TRPM2: variants seen among roughly 807,000 people sequenced by gnomAD.
TRPM2 encodes the protein transient receptor potential cation channel subfamily M member 2, also known as estrogen-responsive element-associated gene 1 protein.
TRPM2 carries 161 observed loss-of-function variants against 174.0 expected under a neutral mutation model. The observed-to-expected ratio is 0.93, with a 90% CI of 0.81 to 1.05. The LOEUF (loss-of-function observed/expected upper bound fraction) is 1.05, where lower values mean the gene tolerates loss of function less well. Ranked by LOEUF, TRPM2 falls within the 50% of genes least tolerant of loss-of-function variation. The pLI is 0.00. For synonymous variants in TRPM2, 954 were observed against 861.3 expected (o/e 1.11, Z -1.88); for missense variants, 2,057 against 2,038.0 (o/e 1.01, Z -0.18).
chr21:44,366,253 G>A lies in TRPM2; in HGVS notation c.424-501G>A, dbSNP rs2048357889. On this transcript the variant is annotated intron_variant, in intron 3 of 31. Coordinates refer to ENST00000397928, the MANE Select transcript of TRPM2 (RefSeq NM_003307.4). This position sits in a 1 kb window ranked among gnomAD's most constrained non-coding sequence, Gnocchi z 6.0. ...CAGGGGCCACAGAGCAGAGGGGATA[G>A]GGCAGAGGGGACAGGAGAGGGGACA... Among the ~76,000 whole-genome samples the A allele has an allele frequency of 6.6e-6, 1 of 150,994 alleles. No homozygotes were observed. The highest frequency in any genetic ancestry group is 2.5e-5 in the African/African-American group (1 of 40,658).
At chr21:44,371,811 A>G (rs2048549772) in intron 5 of TRPM2, among the ~76,000 whole-genome samples, 2 of 151,970 alleles carry the variant, frequency 1.3e-5, no homozygotes, top group South Asian at 4.2e-4. Flanking sequence ...ATTTCTGTCC[A>G]CTCCACAGGC....
At chr21:44,372,941 G>C (rs892957717) in intron 5 of TRPM2, among the ~76,000 whole-genome samples, 1 of 152,060 alleles carries the variant, frequency 6.6e-6, no homozygotes. Context: ...ATTTTATCCC[G>C]TCTCTGTCCC....
intron 8 of TRPM2, among the ~76,000 whole-genome samples, chr21:44,382,411 G>A (rs1022518629): frequency 1.3e-5 from 2 of 152,186 alleles, no homozygotes; most frequent in African/African-American, 4.8e-5. Context: ...GGTGAGGAGT[G>A]GCCTGGGCTT....
intron 23 of TRPM2, among the ~76,000 whole-genome samples, chr21:44,424,337 G>T (rs531481753): frequency 6.6e-6 from 1 of 152,202 alleles, no homozygotes; most frequent in Non-Finnish European, 1.5e-5. Flanking sequence ...TGCCCAGGCC[G>T]CCCTCTACCC....
chr21:44,359,053 C>T (rs11700598), intron 2 of TRPM2, among the ~76,000 whole-genome samples: 3 of 136,366 alleles, frequency 2.2e-5, no homozygotes, highest in Admixed American at 1.5e-4. Flanking sequence ...TTTTACAGAG[C>T]GCTGATTGGT....
chr21:44,412,057 T>C lies in TRPM2; in HGVS notation c.2963-1834T>C, dbSNP rs45485595. On this transcript the variant is annotated intron_variant, in intron 19 of 31. Transcript: ENST00000397928. ...TGAAGGTTATTGGTCTGTGGTTTTC[T>C]TTTCTTGTAATATGTTTGCCTAGTT... 7.5e-3 allele frequency among the ~76,000 whole-genome samples: 1,135 copies of C among 152,330 alleles called. 11 individuals carry two copies. Among genetic ancestry groups the C allele is most frequent in the African/African-American group, 0.026 (1,092 of 41,576 alleles).
intron 1 of TRPM2, 118 bp downstream of exon 1, chr21:44,353,983 C>A: frequency 7.9e-7 from 1 of 1,258,582 alleles, no homozygotes; most frequent in Non-Finnish European, 1.1e-6. Flanking sequence ...ACCTTGGGGG[C>A]TCCTGCCCAA....
chr21:44,406,815 A>T (rs1382011182), intron 19 of TRPM2, 50 bp downstream of exon 19: 3 of 1,555,888 alleles, frequency 1.9e-6, no homozygotes, highest in Non-Finnish European at 1.7e-6. Flanking sequence ...GGGAAGCAGG[A>T]GAGAGGCTGG....
chr21:44,368,848 CCG>C (rs1249477110), intron 4 of TRPM2, among the ~76,000 whole-genome samples: 1 of 152,162 alleles, frequency 6.6e-6, no homozygotes, highest in Non-Finnish European at 1.5e-5. Flanking sequence ...AAGCACTCTG[CCG>C]CACCTGGGTC....
rs905987843 is a variant in TRPM2, at chr21:44,438,396, G to A, written c.4168-671G>A. On this transcript the variant is annotated intron_variant, in intron 29 of 31. Coordinates refer to ENST00000397928, the MANE Select transcript of TRPM2 (RefSeq NM_003307.4). This position sits in a 1 kb window ranked among gnomAD's most constrained non-coding sequence, Gnocchi z 5.9. ...GGTCACTGAGAGGGGCACTCTGAGG[G>A]GCCTCCTGGGTTCCTGGCTCTGTAG... Among the ~76,000 whole-genome samples, 1 of 152,224 alleles carries A rather than the reference G, an allele frequency of 6.6e-6. No homozygotes were observed. Among genetic ancestry groups the A allele is most frequent in the African/African-American group, 2.4e-5 (1 of 41,458 alleles).
rs746257107 is a variant in TRPM2, at chr21:44,400,291, C to T, written c.2241C>T (p.Leu747=). ...TGACCAAGGTGTGGTGGGGCCAGCT[C>T]TCCGTGGACAATGGGCTGTGGCGTG... ...AFLTKVWWGQ[L]SVDNGLWRVT... Residue 747 remains leucine (L), a synonymous_variant, in exon 15 of 32, where the codon CTC becomes CTT. Coordinates refer to ENST00000397928, the MANE Select transcript of TRPM2 (RefSeq NM_003307.4). 1.2e-6 allele frequency: 2 copies of T among 1,612,962 alleles called. No individual in the cohort carries two copies. The highest frequency in any genetic ancestry group is 1.7e-6 in the Non-Finnish European group (2 of 1,179,912).
chr21:44,419,948 G>T (rs1009303593), intron 22 of TRPM2, among the ~76,000 whole-genome samples: 2 of 150,868 alleles, frequency 1.3e-5, no homozygotes, highest in African/African-American at 4.9e-5. Context: ...GCTGGTGCTG[G>T]TGGTGGTGAC....
intron 2 of TRPM2, among the ~76,000 whole-genome samples, chr21:44,360,322 C>T (rs2048175974): frequency 6.6e-6 from 1 of 152,150 alleles, no homozygotes; most frequent in Admixed American, 6.5e-5. Flanking sequence ...CAGCTCCTGC[C>T]GTCCCCAGGC....
chr21:44,381,223 G>A (rs1279023264), intron 8 of TRPM2, among the ~76,000 whole-genome samples: 1 of 152,018 alleles, frequency 6.6e-6, no homozygotes, highest in African/African-American at 2.4e-5. Flanking sequence ...GGCCAGGTGT[G>A]GCTGGCCTGG....
chr21:44,406,129 G>T (rs949661364), intron 18 of TRPM2, 92 bp downstream of exon 18: 3 of 1,500,982 alleles, frequency 2.0e-6, no homozygotes, highest in Non-Finnish European at 2.7e-6. Context: ...TCGGACTGGG[G>T]CTTAAACACA....
intron 22 of TRPM2, among the ~76,000 whole-genome samples, chr21:44,422,679 C>T (rs924115572): frequency 1.3e-5 from 2 of 152,180 alleles, no homozygotes; most frequent in Non-Finnish European, 2.9e-5. Context: ...GGTTTGCCCA[C>T]AGAGTTATTT....
chr21:44,420,676 A>C (rs1455523176), intron 22 of TRPM2, among the ~76,000 whole-genome samples: 1 of 152,190 alleles, frequency 6.6e-6, no homozygotes, highest in Non-Finnish European at 1.5e-5. Context: ...CCCAGGGCCC[A>C]GATGCTGGGG....
chr21:44,434,304 C>T (rs1388196124), intron 27 of TRPM2, among the ~76,000 whole-genome samples: 6 of 147,958 alleles, frequency 4.1e-5, no homozygotes, highest in Non-Finnish European at 9.0e-5. Context: ...GGGATGGTGA[C>T]GGAGACTGTG....
intron 3 of TRPM2, among the ~76,000 whole-genome samples, chr21:44,364,752 A>T (rs1448628715): frequency 6.6e-6 from 1 of 152,180 alleles, no homozygotes; most frequent in Non-Finnish European, 1.5e-5. Context: ...CAAACGCGAG[A>T]GTCCTTGCGA....
Sources: gnomAD v4.1 joint callset for allele counts (sites outside exome capture counted in the v4.1 genomes callset) on GRCh38, gnomAD v4.1.1 for gene constraint, Gnocchi (gnomAD v3.1) non-coding constraint, MANE v1.5 for transcripts, NCBI Gene and HGNC (gene_info 2026-07-23, HGNC 2026-07-21) for gene names.